Variants in GNA14 observed in about 807,000 individuals in gnomAD.
The protein encoded by GNA14 is guanine nucleotide-binding protein subunit alpha-14.
GNA14 carries 50 observed loss-of-function variants against 42.0 expected under a neutral mutation model. The ratio of observed to expected loss-of-function variants is 1.19; its 90% CI spans 0.95 to 1.51. The LOEUF is 1.51. Among genes scored for constraint, GNA14 ranks in the 40% most tolerant of loss-of-function variants. GNA14 has a pLI of 0.00. For synonymous variants in GNA14, 173 were observed against 163.1 expected (o/e 1.06, Z -0.46); for missense variants, 473 against 446.2 (o/e 1.06, Z -0.54).
At chr9:77,472,746 C>G (rs377760398) in intron 2 of GNA14, among the ~76,000 whole-genome samples, 2 of 151,688 alleles carry the variant, frequency 1.3e-5, no homozygotes, top group Middle Eastern at 6.9e-3. Flanking sequence ...GGTGCCGTCA[C>G]GATGGGATTA....
intron 1 of GNA14, among the ~76,000 whole-genome samples, chr9:77,645,896 C>T (rs1483690716): frequency 6.6e-6 from 1 of 152,144 alleles, no homozygotes; most frequent in Non-Finnish European, 1.5e-5. Flanking sequence ...AAAAAAGTTA[C>T]ATACGCAACT....
At chr9:77,585,017 T>C (rs1823281704) in intron 1 of GNA14, among the ~76,000 whole-genome samples, 2 of 152,196 alleles carry the variant, frequency 1.3e-5, no homozygotes, top group Admixed American at 6.5e-5. Flanking sequence ...CTTTATGACC[T>C]GTATCTTGTG....
chr9:77,450,910 G>A (rs1455724841), intron 2 of GNA14, among the ~76,000 whole-genome samples: 1 of 152,150 alleles, frequency 6.6e-6, no homozygotes, highest in Non-Finnish European at 1.5e-5. Context: ...TGCACACACT[G>A]TCTTGCCTGC....
At chr9:77,610,525 C>T (rs1823713053) in intron 1 of GNA14, among the ~76,000 whole-genome samples, 1 of 152,154 alleles carries the variant, frequency 6.6e-6, no homozygotes, top group Non-Finnish European at 1.5e-5. Flanking sequence ...ATGACTTCAT[C>T]TAACCTATTT....
intron 2 of GNA14, among the ~76,000 whole-genome samples, chr9:77,435,323 C>G (rs973592558): frequency 6.6e-6 from 1 of 152,068 alleles, no homozygotes; most frequent in East Asian, 1.9e-4. Flanking sequence ...TGCCAAGGCA[C>G]TCCAGCCTGG....
chr9:77,603,962 A>AC (rs1823610758), intron 1 of GNA14, among the ~76,000 whole-genome samples: 17 of 63,480 alleles, frequency 2.7e-4, no homozygotes, highest in African/African-American at 7.4e-4. Context: ...AAAACAAAAA[A>AC]AAAAAAAAAA....
intron 2 of GNA14, among the ~76,000 whole-genome samples, chr9:77,497,796 A>G (rs1289826927): frequency 2.7e-5 from 4 of 149,772 alleles, no homozygotes; most frequent in African/African-American, 1.0e-4. Context: ...ATATGACTTT[A>G]TGACCTAAAA....
chr9:77,591,470 C>A (rs1226900456), intron 1 of GNA14, among the ~76,000 whole-genome samples: 1 of 152,180 alleles, frequency 6.6e-6, no homozygotes, highest in Non-Finnish European at 1.5e-5. Flanking sequence ...AATCAAATGT[C>A]CCTAGACTCA....
At chr9:77,518,506 C>T (rs1362934386) in intron 2 of GNA14, among the ~76,000 whole-genome samples, 1 of 152,008 alleles carries the variant, frequency 6.6e-6, no homozygotes, top group Admixed American at 6.6e-5. Context: ...CTAGGGGCTG[C>T]CACTGGTCTG....
rs955617100 is a variant in GNA14, at chr9:77,613,409, G to T, written c.124+34261C>A. Among the ~76,000 whole-genome samples, 2 of 152,170 alleles carry T rather than the reference G, an allele frequency of 1.3e-5. 1 individual carries two copies. The highest frequency in any genetic ancestry group is 4.1e-4 in the South Asian group (2 of 4,834). ...TAGGACAATGGGGAAATAAAGAAAT[G>T]ACAGTTAAAGGATACGAAGTTTCAG... On this transcript the variant is annotated intron_variant, in intron 1 of 6. Coordinates refer to ENST00000341700, the MANE Select transcript of GNA14 (RefSeq NM_004297.4).
At chr9:77,445,552 GAAA>G (rs762651584) in intron 2 of GNA14, among the ~76,000 whole-genome samples, 2 of 55,956 alleles carry the variant, frequency 3.6e-5, no homozygotes, top group African/African-American at 1.1e-4. Context: ...TCTCTAAGAA[GAAA>G]AAAAAAAAAA....
At chr9:77,587,119 TAA>T (rs34578177) in intron 1 of GNA14, among the ~76,000 whole-genome samples, 5 of 151,278 alleles carry the variant, frequency 3.3e-5, no homozygotes, top group African/African-American at 9.7e-5. Context: ...TAGCTATACT[TAA>T]AAAAAAAAGA....
chr9:77,532,932 G>A (rs932989703), intron 1 of GNA14, among the ~76,000 whole-genome samples: 3 of 152,070 alleles, frequency 2.0e-5, no homozygotes, highest in Admixed American at 6.5e-5. Context: ...TTGGTGTCTG[G>A]TTCCAAAGGG....
chr9:77,470,221 C>G (rs1836307495), intron 2 of GNA14, among the ~76,000 whole-genome samples: 1 of 152,100 alleles, frequency 6.6e-6, no homozygotes, highest in Non-Finnish European at 1.5e-5. Context: ...GAGACAGTGG[C>G]CTGTGGGGCT....
At position 77,614,551 on chromosome 9, in the gene GNA14, G is replaced by A. The variant is rs187460099; in HGVS notation, c.124+33119C>T. Among the ~76,000 whole-genome samples, 334 of 152,170 alleles carry A rather than the reference G, an allele frequency of 2.2e-3. 6 individuals are homozygous for A. Among genetic ancestry groups the A allele is most frequent in the Non-Finnish European group, 2.6e-4 (18 of 68,014 alleles). Reference sequence around the variant, plus strand: ...CCAATCCTTTCTCAGTCTATGAAACGCCAACAAGGAGATGGATTCTTCGTT... The same window carrying A: ...CCAATCCTTTCTCAGTCTATGAAACACCAACAAGGAGATGGATTCTTCGTT... On this transcript the variant is annotated intron_variant, in intron 1 of 6. Coordinates refer to ENST00000341700, the MANE Select transcript of GNA14 (RefSeq NM_004297.4).
chr9:77,625,109 T>G (rs1254542660), intron 1 of GNA14, among the ~76,000 whole-genome samples: 1 of 151,672 alleles, frequency 6.6e-6, no homozygotes, highest in Non-Finnish European at 1.5e-5. Flanking sequence ...TCGTGAAGCA[T>G]ACACAAGTAT....
intron 1 of GNA14, among the ~76,000 whole-genome samples, chr9:77,544,495 G>C (rs938500511): frequency 1.3e-5 from 2 of 151,984 alleles, no homozygotes; most frequent in Admixed American, 6.6e-5. Flanking sequence ...TTGAGGTCAG[G>C]AGTTCAAGAC....
At chr9:77,519,136 C>G (rs113231204) in intron 2 of GNA14, among the ~76,000 whole-genome samples, 3,072 of 152,288 alleles carry the variant, frequency 0.02, 113 homozygotes, top group African/African-American at 0.069. Context: ...AGAGGCCGGA[C>G]AAGGTGGCTC....
chr9:77,632,610 C>T (rs140656826), intron 1 of GNA14, among the ~76,000 whole-genome samples: 2 of 152,296 alleles, frequency 1.3e-5, no homozygotes, highest in African/African-American at 4.8e-5. Flanking sequence ...GGCTGTGACT[C>T]CCTTTGGGGC....
Sources: allele counts gnomAD v4.1 joint callset (sites outside exome capture counted in the v4.1 genomes callset), GRCh38; gene constraint gnomAD v4.1.1; transcripts MANE v1.5; gene names NCBI Gene and HGNC (gene_info 2026-07-23, HGNC 2026-07-21).